Variants in AVEN observed in about 807,000 individuals in gnomAD.
AVEN encodes apoptosis and caspase activation inhibitor, also known as cell death regulator Aven.
A neutral mutation model predicts 38.1 loss-of-function variants in AVEN; 41 were observed. The ratio of observed to expected loss-of-function variants is 1.08; its 90% CI spans 0.84 to 1.40. The LOEUF (loss-of-function observed/expected upper bound fraction) is 1.40. Among genes scored for constraint, AVEN ranks in the 40% most tolerant of loss-of-function variants. The pLI is 0.00. For synonymous variants in AVEN, 206 were observed against 171.8 expected (o/e 1.20, Z -1.56); for missense variants, 605 against 438.8 (o/e 1.38, Z -3.38).
At position 33,867,615 on chromosome 15, in the gene AVEN, C is replaced by A; in HGVS notation, c.853G>T (p.Glu285Ter). The A allele has an allele frequency of 6.2e-7, 1 of 1,614,036 alleles. No individual in the cohort carries two copies. Among genetic ancestry groups the A allele is most frequent in the Non-Finnish European group, 8.5e-7 (1 of 1,179,900 alleles). The change falls in exon 5 of 6, where the codon GAA (glutamate) becomes TAA (stop). Residue 285 changes from glutamate (E) to a stop codon, truncating the protein, a stop_gained. Coordinates refer to ENST00000306730, the MANE Select transcript of AVEN (RefSeq NM_020371.3). LOFTEE classifies it high-confidence loss of function. ...TCTAAATTAAGCAACAGATCTAGTT[C>A]TTCTTCCAAATGGTCTCCTGCTGAC... The part of the protein sequence containing the change: ...LQSAGDHLEE[E>*]LDLLLNLDAP...
chr15:34,038,158 C>T lies in AVEN; in HGVS notation c.267+622G>A, dbSNP rs532777730. Among the ~76,000 whole-genome samples, 9 of 152,274 alleles carry T rather than the reference C, an allele frequency of 5.9e-5. No individual in the cohort carries two copies. In the East Asian group the frequency reaches 1.5e-3, roughly 26 times the overall value. On this transcript the variant is annotated intron_variant, in intron 1 of 5. Transcript: ENST00000306730. ...ATTCAAAACGACAAAGCCCAGTGCT[C>T]GCTGATTTCTACACATACAGGCATA...
chr15:33,892,206 G>A (rs182685283), intron 2 of AVEN, among the ~76,000 whole-genome samples: 1 of 152,242 alleles, frequency 6.6e-6, no homozygotes, highest in Non-Finnish European at 1.5e-5. Flanking sequence ...AGTTTCTTTT[G>A]CTGTGCAGAA....
downstream of AVEN, chr15:33,865,442 A>G (rs1249824672): frequency 1.0e-5 from 5 of 493,028 alleles, no homozygotes; most frequent in African/African-American, 3.9e-5. Flanking sequence ...AATGTCGAAG[A>G]AGGAAGGCGA....
At chr15:33,895,321 A>G (rs477192) in intron 2 of AVEN, among the ~76,000 whole-genome samples, 123,208 of 146,184 alleles carry the variant, frequency 0.84, 54,567 homozygotes, top group Non-Finnish European at 0.98. Context: ...CAATGCAACT[A>G]TATTTCTTTT....
At chr15:34,035,056 G>A (rs1457916407) in intron 1 of AVEN, among the ~76,000 whole-genome samples, 1 of 152,092 alleles carries the variant, frequency 6.6e-6, no homozygotes, top group African/African-American at 2.4e-5. Context: ...TTCCCTCCAG[G>A]TTCACACTAA....
At chr15:34,032,755 T>G (rs1458134390) in intron 1 of AVEN, among the ~76,000 whole-genome samples, 2 of 152,214 alleles carry the variant, frequency 1.3e-5, no homozygotes, top group Non-Finnish European at 2.9e-5. Flanking sequence ...ACAGCACAAC[T>G]GCTTTTCAGC....
rs566576492 is a variant in AVEN at position 34,063,792 on chromosome 15, C to T, written n.1127-360G>A. 1.2e-6 allele frequency: 2 copies of T among 1,614,168 alleles called. No homozygotes were observed. The highest frequency in any genetic ancestry group is 2.7e-5 in the African/African-American group (2 of 75,022). On this transcript the variant is annotated intron_variant and non_coding_transcript_variant, in intron 4 of 11. Transcript: ENST00000675287. The surrounding 1 kb of genome is among the most constrained non-coding windows in gnomAD (Gnocchi z 4.1). ...AACTGAAAAAAGTGACTATGACACC[C>T]CAAACTACCTTCTGTCTCCAGCAGC...
intron 2 of AVEN, among the ~76,000 whole-genome samples, chr15:33,942,551 C>T (rs1358595322): frequency 2.6e-5 from 4 of 151,944 alleles, no homozygotes; most frequent in Admixed American, 6.6e-5. Context: ...CCCGGATTCA[C>T]GCCATTCTCC....
intron 2 of AVEN, among the ~76,000 whole-genome samples, chr15:33,956,547 A>G (rs1028599838): frequency 1.3e-5 from 2 of 150,394 alleles, no homozygotes. Context: ...CACATCATAT[A>G]TATTGGAAAC....
intron 1 of AVEN, among the ~76,000 whole-genome samples, chr15:34,026,298 T>C (rs919318161): frequency 6.6e-6 from 1 of 152,200 alleles, no homozygotes; most frequent in Admixed American, 6.6e-5. Flanking sequence ...GCACTTTTAT[T>C]TTCTTCTTGG....
At chr15:33,893,950 G>T (rs909182916) in intron 2 of AVEN, among the ~76,000 whole-genome samples, 104 of 47,640 alleles carry the variant, frequency 2.2e-3, no homozygotes, top group African/African-American at 4.6e-3. Context: ...TTGATGCCAA[G>T]ATTTTTTTTT....
intron 5 of AVEN, among the ~76,000 whole-genome samples, chr15:34,045,701 T>TAA (rs879353266): frequency 7.2e-6 from 1 of 138,436 alleles, no homozygotes; most frequent in African/African-American, 2.7e-5. Context: ...AAGCTTCTCA[T>TAA]AAAAAAAAAA....
intron 2 of AVEN, among the ~76,000 whole-genome samples, chr15:33,900,388 G>C (rs1054728456): frequency 6.6e-6 from 1 of 151,330 alleles, no homozygotes; most frequent in South Asian, 2.1e-4. Context: ...GCTTACTGCA[G>C]CCTCAACCTC....
At chr15:33,863,320 G>C (rs978528147), downstream of AVEN, among the ~76,000 whole-genome samples, 1 of 152,148 alleles carries the variant, frequency 6.6e-6, no homozygotes, top group Non-Finnish European at 1.5e-5. Flanking sequence ...ATGAGAAGCG[G>C]AAAGGCAGTG....
At chr15:33,865,091 G>T (rs772528465), downstream of AVEN, 1 of 1,515,470 alleles carries the variant, frequency 6.6e-7, no homozygotes, top group Middle Eastern at 1.7e-4. Context: ...AGCTTTTACT[G>T]TGGTTTAAAA....
chr15:33,892,178 C>A (rs1336163153), intron 2 of AVEN, among the ~76,000 whole-genome samples: 2 of 152,078 alleles, frequency 1.3e-5, no homozygotes, highest in Non-Finnish European at 2.9e-5. Context: ...CTGTAGGTTG[C>A]CTGTTCACTC....
intron 5 of AVEN, among the ~76,000 whole-genome samples, chr15:34,047,362 C>T (rs1899744384): frequency 1.3e-5 from 2 of 152,172 alleles, no homozygotes; most frequent in Non-Finnish European, 2.9e-5. Context: ...CAGGCGTGAG[C>T]CACCGTGCCC....
At chr15:33,951,531 T>G (rs1328980297) in intron 2 of AVEN, among the ~76,000 whole-genome samples, 2 of 149,638 alleles carry the variant, frequency 1.3e-5, no homozygotes, top group African/African-American at 4.9e-5. Flanking sequence ...CTGCACGTTG[T>G]GCACATGTAC....
intron 2 of AVEN, chr15:34,067,490 A>C (rs1900540991): frequency 6.6e-6 from 1 of 152,176 alleles, no homozygotes; most frequent in Non-Finnish European, 1.5e-5. Context: ...TTAAATAAGA[A>C]AATTGTTTCA....
Sources: gnomAD v4.1 joint callset for allele counts (sites outside exome capture counted in the v4.1 genomes callset) on GRCh38, gnomAD v4.1.1 for gene constraint, Gnocchi (gnomAD v3.1) non-coding constraint, MANE v1.5 for transcripts, NCBI Gene and HGNC (gene_info 2026-07-23, HGNC 2026-07-21) for gene names.